CORIN: variants seen among roughly 807,000 people sequenced by gnomAD.
The protein encoded by CORIN is atrial natriuretic peptide-converting enzyme.
In CORIN, 117 loss-of-function variants were observed where a neutral mutation model predicts 125.3. The ratio of observed to expected loss-of-function variants is 0.93; its 90% CI spans 0.80 to 1.09. CORIN has a LOEUF of 1.09. CORIN is among the 50% of genes least tolerant of loss of function. The pLI is 0.00. For missense variants in CORIN, 1,253 were observed against 1,306.7 expected (o/e 0.96, Z 0.63); for synonymous variants, 450 against 466.4 (o/e 0.96, Z 0.45).
intron 3 of CORIN, among the ~76,000 whole-genome samples, chr4:47,776,474 T>A (rs1265047481): frequency 6.6e-6 from 1 of 152,182 alleles, no homozygotes; most frequent in Non-Finnish European, 1.5e-5. Context: ...TTTAAAAAAA[T>A]TTCTCATTAA....
At chr4:47,796,079 T>G (rs1731275716) in intron 2 of CORIN, among the ~76,000 whole-genome samples, 1 of 151,984 alleles carries the variant, frequency 6.6e-6, no homozygotes, top group South Asian at 2.1e-4. Flanking sequence ...AAATTAAAAA[T>G]AGAACTATCG....
At chr4:47,807,946 T>C (rs983272352) in intron 1 of CORIN, among the ~76,000 whole-genome samples, 3 of 152,224 alleles carry the variant, frequency 2.0e-5, no homozygotes, top group Non-Finnish European at 2.9e-5. Context: ...CATTTTCTCC[T>C]CTGACAGTTT....
intron 4 of CORIN, among the ~76,000 whole-genome samples, chr4:47,756,840 C>T (rs190146888): frequency 2.0e-5 from 3 of 152,146 alleles, no homozygotes; most frequent in African/African-American, 7.2e-5. Flanking sequence ...GCTGGGTCTC[C>T]TCCATTTCAA....
chr4:47,774,929 G>A (rs2109894340), intron 3 of CORIN, among the ~76,000 whole-genome samples: 1 of 152,326 alleles, frequency 6.6e-6, no homozygotes, highest in South Asian at 2.1e-4. Context: ...CAGAAAAGCG[G>A]AATGATGGTT....
intron 13 of CORIN, 47 bp from the exon 14 acceptor site, chr4:47,645,241 A>C (rs764654546): frequency 7.9e-6 from 9 of 1,137,904 alleles, no homozygotes; most frequent in Non-Finnish European, 1.2e-5. Flanking sequence ...GGAATTGAAA[A>C]TAATGATAAA....
intron 5 of CORIN, among the ~76,000 whole-genome samples, chr4:47,730,334 G>A (rs867492127): frequency 1.1e-4 from 17 of 152,140 alleles, no homozygotes; most frequent in African/African-American, 3.6e-4. Context: ...TTAGCCAGGC[G>A]TGGTGGCGGC....
intron 10 of CORIN, among the ~76,000 whole-genome samples, chr4:47,670,966 TA>T (rs1724732986): frequency 6.6e-6 from 1 of 152,210 alleles, no homozygotes; most frequent in African/African-American, 2.4e-5. Context: ...TTAGGCTTTT[TA>T]AAAAAGCTGT....
intron 3 of CORIN, among the ~76,000 whole-genome samples, chr4:47,781,976 AAAG>A (rs1380906224): frequency 6.6e-6 from 1 of 151,842 alleles, no homozygotes; most frequent in Non-Finnish European, 1.5e-5. Flanking sequence ...TAGAAGAAAT[AAAG>A]AAGGACATTT....
chr4:47,603,455 C>G lies in CORIN; in HGVS notation c.2754G>C (p.Gln918His). 6.2e-7 allele frequency: 1 copy of G among 1,614,216 alleles called. No homozygotes were observed. ...AGCAGTACGTGTCAGGCTCTAGCCA[C>G]TGCTCCGGGTTGGGCAAGCAGACAG... ...VRPVCLPNPE[Q>H]WLEPDTYCYI... Residue 918 changes from glutamine to histidine, a missense_variant, in exon 20 of 22, where the codon CAG becomes CAC. Physicochemically the swap from Gln to His is conservative, Grantham distance 24. Coordinates refer to ENST00000273857, the MANE Select transcript of CORIN (RefSeq NM_006587.4).
At chr4:47,789,156 T>C (rs1425870210) in intron 2 of CORIN, among the ~76,000 whole-genome samples, 1 of 150,918 alleles carries the variant, frequency 6.6e-6, no homozygotes, top group Non-Finnish European at 1.5e-5. Context: ...AAAATAAAAT[T>C]AGCTGGGCAT....
chr4:47,806,863 CACTTTA>C (rs1731816195), intron 2 of CORIN, 34 bp downstream of exon 2: 7 of 1,573,358 alleles, frequency 4.4e-6, no homozygotes, highest in Non-Finnish European at 6.0e-6. Flanking sequence ...TGCTAATTTT[CACTTTA>C]ACTTCATTTT....
intron 3 of CORIN, among the ~76,000 whole-genome samples, chr4:47,778,163 A>G (rs1436642726): frequency 2.0e-5 from 3 of 152,114 alleles, no homozygotes; most frequent in Non-Finnish European, 2.9e-5. Context: ...TGTTCTTCCT[A>G]AAGAGGAAAT....
At chr4:47,657,765 G>A (rs1220114808) in intron 12 of CORIN, among the ~76,000 whole-genome samples, 1 of 151,920 alleles carries the variant, frequency 6.6e-6, no homozygotes, top group African/African-American at 2.4e-5. Context: ...ACCATGACCA[G>A]ATCTCCTGTG....
intron 10 of CORIN, among the ~76,000 whole-genome samples, chr4:47,666,057 G>A (rs1207885959): frequency 6.6e-6 from 1 of 152,028 alleles, no homozygotes; most frequent in African/African-American, 2.4e-5. Context: ...AGGGCCATAC[G>A]GCACCTGCTG....
chr4:47,646,189 A>T (rs1723476562), intron 13 of CORIN, among the ~76,000 whole-genome samples: 1 of 152,178 alleles, frequency 6.6e-6, no homozygotes, highest in Admixed American at 6.5e-5. Flanking sequence ...AAATAATGTT[A>T]TGCTTTTAAG....
At position 47,632,785 on chromosome 4, in the gene CORIN, A is replaced by ATT. The variant is rs34742353; in HGVS notation, c.2199-6266_2199-6265dup. Among the ~76,000 whole-genome samples, 75 of 133,092 alleles carry ATT rather than the reference A, an allele frequency of 5.6e-4. 1 individual carries two copies. The highest frequency in any genetic ancestry group is 8.0e-4 in the Non-Finnish European group (50 of 62,178). The allele number at this position is 133,092 out of a possible 152,430, so 87.3% of individuals were successfully genotyped here. A position where few individuals can be genotyped will look rare whatever the true frequency, so the allele number is the denominator to read the frequency against. ...TAGATAGAGATAGATAGTTAGATAGATTTTTTTTTTTTGAGATGGAGTCTC... is the reference window on the plus strand; with the variant it reads ...TAGATAGAGATAGATAGTTAGATAGATTTTTTTTTTTTTTGAGATGGAGTCTC... On this transcript the variant is annotated intron_variant, in intron 16 of 21. Transcript: ENST00000273857.
intron 5 of CORIN, among the ~76,000 whole-genome samples, chr4:47,739,736 A>C (rs896935912): frequency 1.3e-5 from 2 of 151,974 alleles, no homozygotes; most frequent in South Asian, 2.1e-4. Flanking sequence ...AATCATAATC[A>C]ATAAACCTAT....
chr4:47,803,845 T>G (rs1178701879), intron 2 of CORIN, among the ~76,000 whole-genome samples: 1 of 151,998 alleles, frequency 6.6e-6, no homozygotes, highest in African/African-American at 2.4e-5. Context: ...AAAGCAAAAA[T>G]GAACAGCTGG....
intron 2 of CORIN, among the ~76,000 whole-genome samples, chr4:47,789,186 C>T (rs965120199): frequency 6.6e-6 from 1 of 152,094 alleles, no homozygotes; most frequent in Non-Finnish European, 1.5e-5. Context: ...CACCTGTAAT[C>T]TCAGCTACTA....
Sources: gnomAD v4.1 joint callset for allele counts (sites outside exome capture counted in the v4.1 genomes callset) on GRCh38, gnomAD v4.1.1 for gene constraint, MANE v1.5 for transcripts, NCBI Gene and HGNC (gene_info 2026-07-23, HGNC 2026-07-21) for gene names.